SDK1: variants seen among roughly 807,000 people sequenced by gnomAD.
SDK1 encodes the protein sidekick cell adhesion molecule 1, also known as protein sidekick-1.
SDK1 carries 157 observed loss-of-function variants against 245.5 expected under a neutral mutation model. The observed-to-expected ratio is 0.64, with a 90% CI of 0.56 to 0.73. The LOEUF is 0.73. SDK1 is among the 30% of genes least tolerant of loss of function. The pLI, the probability that SDK1 is intolerant of heterozygous loss-of-function variation, is 0.00. For missense variants in SDK1, 3,583 were observed against 3,002.3 expected (o/e 1.19, Z -4.52); for synonymous variants, 1,647 against 1,278.5 (o/e 1.29, Z -6.15).
At position 3,878,943 on chromosome 7, in the gene SDK1, A is replaced by T. The variant is rs564107701; in HGVS notation, c.847+57360A>T. The stretch of plus-strand genomic sequence containing the variant: ...GTGTAATCGCCACTCAGGTCAAGAT[A>T]AAAAAAAATTTTAATTAACATTTGC... On this transcript the variant is annotated intron_variant, in intron 5 of 44. Coordinates refer to ENST00000404826, the MANE Select transcript of SDK1 (RefSeq NM_152744.4). 3.8e-4 allele frequency among the ~76,000 whole-genome samples: 57 copies of T among 151,892 alleles called. 1 individual carries two copies. In the South Asian group the frequency reaches 0.011, roughly 30 times the overall value.
chr7:3,908,883 A>T (rs1037383127), intron 5 of SDK1, among the ~76,000 whole-genome samples: 4 of 151,558 alleles, frequency 2.6e-5, no homozygotes, highest in African/African-American at 9.7e-5. Flanking sequence ...CACATTAGAA[A>T]GGTATGGGTT....
At chr7:3,821,824 TA>T (rs149976390) in intron 5 of SDK1, among the ~76,000 whole-genome samples, 19 of 148,922 alleles carry the variant, frequency 1.3e-4, no homozygotes, top group South Asian at 2.1e-4. Context: ...TTTTGGGAAT[TA>T]AAAAAAAAAG....
At chr7:3,478,801 GC>G (rs1287577880) in intron 1 of SDK1, among the ~76,000 whole-genome samples, 1 of 151,590 alleles carries the variant, frequency 6.6e-6, no homozygotes. Context: ...TTTATTTTCA[GC>G]CTATATTCTT....
intron 1 of SDK1, among the ~76,000 whole-genome samples, chr7:3,335,215 T>G (rs1255573661): frequency 1.3e-5 from 2 of 152,142 alleles, no homozygotes; most frequent in East Asian, 3.9e-4. Context: ...AGATTATAAA[T>G]ACTATTGCAC....
chr7:3,786,051 A>G (rs1184280353), intron 4 of SDK1, among the ~76,000 whole-genome samples: 2 of 152,162 alleles, frequency 1.3e-5, no homozygotes, highest in Non-Finnish European at 2.9e-5. Flanking sequence ...GGTCTCTTTG[A>G]ACATAGAAGC....
In SDK1 at chr7:3,948,665, G is replaced by A. The variant is rs1403632115; in HGVS notation, c.848-2258G>A. 6.6e-5 allele frequency among the ~76,000 whole-genome samples: 10 copies of A among 152,322 alleles called. No individual in the cohort carries two copies. In the East Asian group the frequency reaches 1.2e-3, roughly 18 times the overall value. On this transcript the variant is annotated intron_variant, in intron 5 of 44. Transcript: ENST00000404826. ...ATGGATGGATGTGTGCGGTGCCTGC[G>A]GCACTTGGCCCTGCGGGGCTGCGAA...
intron 4 of SDK1, among the ~76,000 whole-genome samples, chr7:3,757,768 T>G (rs918427721): frequency 6.6e-6 from 1 of 152,152 alleles, no homozygotes; most frequent in African/African-American, 2.4e-5. Context: ...GAAGCATGAC[T>G]GATTAAATCG....
intron 32 of SDK1, among the ~76,000 whole-genome samples, chr7:4,168,356 C>T (rs1203581300): frequency 6.6e-6 from 1 of 152,220 alleles, no homozygotes; most frequent in African/African-American, 2.4e-5. Flanking sequence ...GACACTGTGT[C>T]TGTTGGGCAA....
At chr7:3,725,527 A>G (rs73302297) in intron 4 of SDK1, among the ~76,000 whole-genome samples, 3,183 of 152,306 alleles carry the variant, frequency 0.021, 116 homozygotes, top group African/African-American at 0.073. Context: ...TATTAATGCT[A>G]TCAATACAGT....
At chr7:3,751,934 A>G (rs1252117051) in intron 4 of SDK1, among the ~76,000 whole-genome samples, 3 of 152,240 alleles carry the variant, frequency 2.0e-5, no homozygotes, top group African/African-American at 4.8e-5. Context: ...ATTACAAACA[A>G]TGGGGAAGAG....
intron 5 of SDK1, among the ~76,000 whole-genome samples, chr7:3,899,985 A>G (rs1303688769): frequency 2.0e-5 from 3 of 152,260 alleles, no homozygotes; most frequent in Non-Finnish European, 4.4e-5. Flanking sequence ...TAAAAATTCT[A>G]ACTGTGAAAT....
chr7:3,333,580 A>G (rs1480985597), intron 1 of SDK1, among the ~76,000 whole-genome samples: 1 of 151,926 alleles, frequency 6.6e-6, no homozygotes, highest in Non-Finnish European at 1.5e-5. Flanking sequence ...CTACATCAGA[A>G]CCCTGAACTG....
At chr7:3,977,757 A>G (rs1232555704) in intron 13 of SDK1, among the ~76,000 whole-genome samples, 1 of 152,246 alleles carries the variant, frequency 6.6e-6, no homozygotes, top group Admixed American at 6.5e-5. Context: ...TCCTCCTGGA[A>G]CAGAAGCACC....
intron 41 of SDK1, among the ~76,000 whole-genome samples, chr7:4,236,746 G>T (rs187954353): frequency 6.6e-6 from 1 of 152,084 alleles, no homozygotes. Flanking sequence ...AGGAGGAGGC[G>T]TAACAGGTGG....
chr7:3,610,685 G>A (rs552972506), intron 1 of SDK1, among the ~76,000 whole-genome samples: 1 of 152,326 alleles, frequency 6.6e-6, no homozygotes, highest in East Asian at 1.9e-4. Context: ...GTTTCTTAGG[G>A]GAAAATATTG....
At chr7:3,550,062 A>T (rs1215252833) in intron 1 of SDK1, among the ~76,000 whole-genome samples, 5 of 152,154 alleles carry the variant, frequency 3.3e-5, no homozygotes, top group Admixed American at 3.3e-4. Context: ...ATCAATGTGA[A>T]TATGTGAAAT....
rs1788549606 is a variant in SDK1, at chr7:4,267,608, G to A, written c.*2224G>A. ...AGCGCTGCTTTCTGTGCACTCTGAT[G>A]ACTGCTCTCTGCAGCCATGAGGATG... is the stretch of plus-strand genomic sequence containing the variant. On this transcript the variant is annotated 3_prime_UTR_variant, in exon 45 of 45. Transcript: ENST00000404826. The A allele has an allele frequency of 1.0e-6, 1 of 985,334 alleles. No homozygotes were observed. Among genetic ancestry groups the A allele is most frequent in the African/African-American group, 1.7e-5 (1 of 57,250 alleles). The allele number at this position is 985,334 out of a possible 1,614,324, so 61.0% of individuals were successfully genotyped here.
intron 2 of SDK1, among the ~76,000 whole-genome samples, 178 bp downstream of exon 2, chr7:3,619,417 T>A (rs1167329958): frequency 6.6e-6 from 1 of 152,236 alleles, no homozygotes; most frequent in Non-Finnish European, 1.5e-5. Flanking sequence ...CTGATATAGG[T>A]TGTACTTACA....
rs1788419707 is a variant in SDK1 at position 4,265,618 on chromosome 7, TA to T, written c.*236del. The T allele has an allele frequency of 7.5e-7, 1 of 1,328,322 alleles. No individual in the cohort carries two copies. The highest frequency in any genetic ancestry group is 1.6e-5 in the African/African-American group (1 of 64,478). 82.3% of individuals were successfully genotyped at this position (1,328,322 alleles called of 1,614,324 possible). On this transcript the variant is annotated 3_prime_UTR_variant, in exon 45 of 45. Coordinates refer to ENST00000404826, the MANE Select transcript of SDK1 (RefSeq NM_152744.4). The stretch of plus-strand genomic sequence containing the variant: ...GGTTTGTTTCTTTTTCTTTTCTTTT[TA>T]AGAGAAGGTGTATTTCACTGGTGCA...
Sources: allele counts gnomAD v4.1 joint callset (sites outside exome capture counted in the v4.1 genomes callset), GRCh38; gene constraint gnomAD v4.1.1; transcripts MANE v1.5; gene names NCBI Gene and HGNC (gene_info 2026-07-23, HGNC 2026-07-21).